COL11A1: variants seen among roughly 807,000 people sequenced by gnomAD.
The protein encoded by COL11A1 is collagen alpha-1(XI) chain.
A neutral mutation model predicts 265.2 loss-of-function variants in COL11A1; 74 were observed. The ratio of observed to expected loss-of-function variants is 0.28; its 90% CI spans 0.23 to 0.34. The LOEUF is 0.34. Ranked by LOEUF, COL11A1 falls within the 10% of genes least tolerant of loss-of-function variation. The pLI is 1.00. For missense variants in COL11A1, 2,165 were observed against 2,263.6 expected (o/e 0.96, Z 0.88); for synonymous variants, 816 against 727.6 (o/e 1.12, Z -1.96).
At chr1:103,018,744 C>A in intron 10 of COL11A1, 74 bp downstream of exon 10, 1 of 1,159,602 alleles carries the variant, frequency 8.6e-7, no homozygotes, top group South Asian at 1.3e-5. Flanking sequence ...AAAATGTTCT[C>A]ATTCAGTAAT....
rs528518451 is a variant in COL11A1 at position 102,962,430 on chromosome 1, C to G, written c.3025-165G>C. On this transcript the variant is annotated intron_variant, in intron 39 of 66. Transcript: ENST00000370096. ...TGCATTAAAATGAACTACCCACTAC[C>G]TACATTTAACGTTACATATATATTA... Among the ~76,000 whole-genome samples, 3 of 152,276 alleles carry G rather than the reference C, an allele frequency of 2.0e-5. No individual in the cohort carries two copies. In the South Asian group the frequency reaches 6.2e-4, roughly 32 times the overall value.
In COL11A1 at chr1:103,108,372, C is replaced by T; in HGVS notation, c.-194G>A. ...TTCGTGTCTCTAGCCCTTTCCTCTC[C>T]CTCTGAGTTGGCCCCACCGGCCGGG... On this transcript the variant is annotated 5_prime_UTR_variant, in exon 1 of 67. Transcript: ENST00000370096. The T allele has an allele frequency of 6.3e-6, 4 of 639,688 alleles. No individual in the cohort carries two copies. Among genetic ancestry groups the T allele is most frequent in the Non-Finnish European group, 1.1e-5 (4 of 354,728 alleles). The allele number at this position is 639,688 out of a possible 1,614,324, so 39.6% of individuals were successfully genotyped here.
intron 41 of COL11A1, among the ~76,000 whole-genome samples, chr1:102,950,355 C>T (rs766487293): frequency 2.6e-4 from 40 of 152,098 alleles, no homozygotes; most frequent in Non-Finnish European, 5.4e-4. Flanking sequence ...CAACAAAGGA[C>T]GTTTTCACTT....
chr1:102,882,172 GTATT>G (rs3056624), intron 64 of COL11A1, among the ~76,000 whole-genome samples: 62,746 of 151,586 alleles, frequency 0.41, 15,532 homozygotes, highest in East Asian at 0.66. Context: ...ATGTTTGAAA[GTATT>G]TAGCCAGTAG....
At chr1:102,952,449 T>G (rs1364818076) in intron 41 of COL11A1, among the ~76,000 whole-genome samples, 1 of 152,192 alleles carries the variant, frequency 6.6e-6, no homozygotes, top group East Asian at 1.9e-4. Flanking sequence ...AATTTCTCCC[T>G]TGGAGCATTC....
At chr1:102,916,125 T>A (rs538871549) in intron 49 of COL11A1, among the ~76,000 whole-genome samples, 6 of 152,204 alleles carry the variant, frequency 3.9e-5, no homozygotes, top group Non-Finnish European at 5.9e-5. Context: ...CTGGTACATA[T>A]GTTGATATTT....
At chr1:103,027,399 ATATATATATATATATATATATATAT>A (rs575584037) in intron 5 of COL11A1, among the ~76,000 whole-genome samples, 6,079 of 18,006 alleles carry the variant, frequency 0.34, 342 homozygotes, top group African/African-American at 0.4. Context: ...AAACTCTAAT[ATATATATATATATATATATATATAT>A]ATATATATAT....
rs759574079 is a variant in COL11A1, at chr1:102,879,801, G to C, written c.5156C>G (p.Ala1719Gly). ...NFTYHCHQSA[A>G]WYDVSSGSYD... The stretch of plus-strand genomic sequence containing the variant: ...ACTTCCTGATGACACATCATACCAG[G>C]CTGCTGACTGATGACAGTGGTAGGT... Residue 1719 changes from alanine to glycine, a missense_variant, in exon 66 of 67, where the codon GCC becomes GGC. Physicochemically the swap from Ala to Gly is moderately conservative, Grantham distance 60. Transcript: ENST00000370096. 6 of 1,613,826 alleles carry C rather than the reference G, an allele frequency of 3.7e-6. No individual in the cohort carries two copies. The African/African-American group carries it at 6.7e-5, about 18-fold the overall frequency.
At chr1:102,945,272 CT>C (rs1659145431) in intron 42 of COL11A1, among the ~76,000 whole-genome samples, 1 of 151,582 alleles carries the variant, frequency 6.6e-6, no homozygotes, top group Non-Finnish European at 1.5e-5. Context: ...CTCTCTCTCT[CT>C]CTCTCTCTCT....
chr1:102,951,468 C>T (rs1204985543), intron 41 of COL11A1, among the ~76,000 whole-genome samples: 1 of 152,148 alleles, frequency 6.6e-6, no homozygotes, highest in African/African-American at 2.4e-5. Flanking sequence ...GAGGCCAAGG[C>T]GGGCGGATCA....
At chr1:102,978,940 C>T (rs1420667060) in intron 33 of COL11A1, 27 bp from the exon 34 acceptor site, 5 of 1,613,774 alleles carry the variant, frequency 3.1e-6, no homozygotes, top group African/African-American at 1.3e-5. Flanking sequence ...AAGATGAACC[C>T]AAACTAATGC....
intron 25 of COL11A1, 62 bp downstream of exon 25, chr1:102,998,248 T>C (rs185126869): frequency 1.5e-6 from 2 of 1,325,336 alleles, no homozygotes; most frequent in Admixed American, 1.7e-5. Context: ...CTAAAACACA[T>C]GTAAAATCTA....
intron 64 of COL11A1, among the ~76,000 whole-genome samples, chr1:102,882,797 A>G (rs1298751241): frequency 6.6e-6 from 1 of 152,228 alleles, no homozygotes; most frequent in East Asian, 1.9e-4. Flanking sequence ...ATGTAAGTGC[A>G]GAAAAGACTT....
intron 4 of COL11A1, among the ~76,000 whole-genome samples, chr1:103,049,183 A>G (rs1247391156): frequency 1.3e-5 from 2 of 152,098 alleles, no homozygotes; most frequent in Non-Finnish European, 2.9e-5. Context: ...TGATCTGTCT[A>G]ATGTTGACAG....
chr1:103,026,092 T>G, intron 6 of COL11A1, 124 bp downstream of exon 6: 1 of 1,204,768 alleles, frequency 8.3e-7, no homozygotes, highest in Non-Finnish European at 1.2e-6. Flanking sequence ...AAAATCACAG[T>G]TATTGGTTCA....
At chr1:102,893,322 G>A (rs1651995702) in intron 57 of COL11A1, among the ~76,000 whole-genome samples, 1 of 151,980 alleles carries the variant, frequency 6.6e-6, no homozygotes. Context: ...TAAAGATAAT[G>A]AATATTAATT....
At chr1:103,098,233 C>A (rs1673947603) in intron 1 of COL11A1, among the ~76,000 whole-genome samples, 1 of 151,934 alleles carries the variant, frequency 6.6e-6, no homozygotes, top group Non-Finnish European at 1.5e-5. Context: ...ATCTCCTCAA[C>A]TCAGTTATTG....
chr1:103,002,843 C>T (rs1055092802), intron 21 of COL11A1, 52 bp from the exon 22 acceptor site: 8 of 1,524,974 alleles, frequency 5.2e-6, no homozygotes, highest in Non-Finnish European at 7.3e-6. Context: ...GATGCTAAAA[C>T]AGAAAATCAA....
intron 46 of COL11A1, among the ~76,000 whole-genome samples, chr1:102,925,204 C>G (rs1277757202): frequency 6.6e-6 from 1 of 151,884 alleles, no homozygotes; most frequent in South Asian, 2.1e-4. Context: ...CTTAATGCTC[C>G]CTAACCATGC....
Sources: allele counts gnomAD v4.1 joint callset (sites outside exome capture counted in the v4.1 genomes callset), GRCh38; gene constraint gnomAD v4.1.1; transcripts MANE v1.5; gene names NCBI Gene and HGNC (gene_info 2026-07-23, HGNC 2026-07-21).